Variants in ITGB5 observed in about 807,000 individuals in gnomAD.
ITGB5 encodes the protein integrin beta-5.
A neutral mutation model predicts 84.8 loss-of-function variants in ITGB5; 38 were observed. The ratio of observed to expected loss-of-function variants is 0.45; its 90% CI spans 0.35 to 0.59. ITGB5 has a LOEUF of 0.59. Among genes scored for constraint, ITGB5 ranks in the 20% least tolerant of loss-of-function variants. ITGB5 has a pLI of 0.01. For synonymous variants in ITGB5, 393 were observed against 414.4 expected, an observed-to-expected ratio of 0.95 and a Z score of 0.63; for missense variants, 905 against 1,034.5, an observed-to-expected ratio of 0.87 and a Z score of 1.72.
intron 8 of ITGB5, among the ~76,000 whole-genome samples, chr3:124,812,525 G>A (rs1192481170): frequency 1.3e-5 from 2 of 152,090 alleles, no homozygotes; most frequent in East Asian, 1.9e-4. Flanking sequence ...CATTCTGTTC[G>A]CTCCCACACT....
At chr3:124,858,865 T>C (rs752446299) in intron 3 of ITGB5, among the ~76,000 whole-genome samples, 12 of 152,156 alleles carry the variant, frequency 7.9e-5, no homozygotes, top group Non-Finnish European at 1.6e-4. Flanking sequence ...GAGGAGTTAA[T>C]GTTTAATGGG....
intron 5 of ITGB5, among the ~76,000 whole-genome samples, chr3:124,823,571 T>C (rs1469533866): frequency 6.6e-6 from 1 of 150,786 alleles, no homozygotes; most frequent in Non-Finnish European, 1.5e-5. Flanking sequence ...TTCAAGGTGC[T>C]GGTGATGTTC....
At chr3:124,804,878 G>A (rs1015070597) in intron 9 of ITGB5, among the ~76,000 whole-genome samples, 1 of 152,080 alleles carries the variant, frequency 6.6e-6, no homozygotes, top group South Asian at 2.1e-4. Flanking sequence ...TGTTGGCCAG[G>A]TTGGTCTCGA....
intron 3 of ITGB5, 24 bp from the exon 4 acceptor site, chr3:124,848,582 G>C: frequency 6.3e-7 from 1 of 1,596,524 alleles, no homozygotes. Flanking sequence ...GAGGCCACGT[G>C]TGTTAGAGGT....
intron 5 of ITGB5, among the ~76,000 whole-genome samples, chr3:124,837,896 C>G (rs2107588411): frequency 6.6e-6 from 1 of 152,330 alleles, no homozygotes; most frequent in African/African-American, 2.4e-5. Context: ...ATTGCCTGGC[C>G]AACTCCAGCC....
chr3:124,848,646 C>A, intron 3 of ITGB5, 88 bp from the exon 4 acceptor site: 1 of 1,436,502 alleles, frequency 7.0e-7, no homozygotes. Flanking sequence ...GCTAGTTTGC[C>A]TCTTACTTTT....
intron 9 of ITGB5, among the ~76,000 whole-genome samples, chr3:124,802,420 A>G (rs1488544059): frequency 2.0e-5 from 3 of 152,188 alleles, no homozygotes; most frequent in African/African-American, 7.2e-5. Context: ...GGCCAGGGTT[A>G]AGAAAACCAG....
At chr3:124,769,457 G>A (rs2063811490) in intron 11 of ITGB5, 1 of 208,344 alleles carries the variant, frequency 4.8e-6, no homozygotes, top group African/African-American at 2.3e-5. Context: ...TGATAAAACA[G>A]TATTCCTGGC....
At chr3:124,886,828 TCCGCCCTCAGGCACCGCCTGCGCTCC>T in intron 1 of ITGB5, 77 bp downstream of exon 1, 1 of 676,202 alleles carries the variant, frequency 1.5e-6, no homozygotes, top group South Asian at 7.3e-5. Context: ...GAAGGCGCCC[TCCGCCCTCAGGCACCGCCTGCGCTCC>T]CCGCCCCTCC....
Position 124,821,455 on chromosome 3 carries a change from T to C in ITGB5, c.800A>G (p.Lys267Arg). Residue 267 changes from lysine to arginine, a missense_variant, in exon 6 of 15, where the codon AAG (lysine) becomes AGG (arginine). This residue lies in a region of ITGB5 where 656 missense variants were observed against 734.7 expected (regional missense o/e 0.89). Transcript: ENST00000296181. ...AVCKEKIGWR[K>R]DALHLLVFTT... ...GAACACCAGCAAATGCAGTGCATCC[T>C]TTCGCCAGCCAATCTTCTCCTGAAG... is the stretch of plus-strand genomic sequence containing the variant. The C allele has an allele frequency of 6.2e-7, 1 of 1,614,204 alleles. No homozygotes were observed. The highest frequency in any genetic ancestry group is 8.5e-7 in the Non-Finnish European group (1 of 1,180,026).
intron 13 of ITGB5, among the ~76,000 whole-genome samples, chr3:124,765,658 C>T (rs768207616): frequency 5.9e-5 from 9 of 152,224 alleles, no homozygotes; most frequent in Non-Finnish European, 1.3e-4. Context: ...CCCTGACTCA[C>T]GCTCCCACTA....
chr3:124,853,218 C>G (rs1022232043), intron 3 of ITGB5, among the ~76,000 whole-genome samples: 3 of 152,158 alleles, frequency 2.0e-5, no homozygotes, highest in African/African-American at 7.2e-5. Context: ...ACATAAAAAT[C>G]AACTCTATTA....
At chr3:124,872,538 T>A (rs533063157) in intron 2 of ITGB5, among the ~76,000 whole-genome samples, 1 of 152,268 alleles carries the variant, frequency 6.6e-6, no homozygotes, top group South Asian at 2.1e-4. Flanking sequence ...CAGCCTCCCG[T>A]GAGCCATCTC....
At chr3:124,857,229 T>TA (rs1255713321) in intron 3 of ITGB5, 1 of 152,264 alleles carries the variant, frequency 6.6e-6, no homozygotes, top group Non-Finnish European at 1.5e-5. Flanking sequence ...ACTGAGTGCT[T>TA]ACCACATGCA....
At chr3:124,841,175 C>T (rs549388531) in intron 5 of ITGB5, among the ~76,000 whole-genome samples, 1 of 152,334 alleles carries the variant, frequency 6.6e-6, no homozygotes, top group African/African-American at 2.4e-5. Context: ...GACACAGAGA[C>T]ACAGACCAGC....
At chr3:124,870,156 T>C (rs557553012) in intron 2 of ITGB5, among the ~76,000 whole-genome samples, 25 of 152,210 alleles carry the variant, frequency 1.6e-4, no homozygotes, top group Non-Finnish European at 2.6e-4. Context: ...TTATATCAAA[T>C]ACAAATTCCT....
chr3:124,873,872 A>AAAAAG (rs201372684), intron 1 of ITGB5, among the ~76,000 whole-genome samples: 1 of 151,576 alleles, frequency 6.6e-6, no homozygotes, highest in Non-Finnish European at 1.5e-5. Context: ...AAAATAGTAC[A>AAAAAG]AAAAGAAAAG....
chr3:124,867,233 C>T lies in ITGB5; in HGVS notation c.156+6213G>A, dbSNP rs576459447. 8.6e-5 allele frequency among the ~76,000 whole-genome samples: 13 copies of T among 152,046 alleles called. No homozygotes were observed. The South Asian group carries it at 2.7e-3, about 32-fold the overall frequency. ...TCACTGTTCTTTTCACTAGTCTTCTCCCATGCCCGACCCCATTTCCATGCA... is the reference window on the plus strand; with the variant it reads ...TCACTGTTCTTTTCACTAGTCTTCTTCCATGCCCGACCCCATTTCCATGCA... On this transcript the variant is annotated intron_variant, in intron 2 of 14. Transcript: ENST00000296181.
At chr3:124,867,843 T>G (rs1350726996) in intron 2 of ITGB5, among the ~76,000 whole-genome samples, 1 of 152,226 alleles carries the variant, frequency 6.6e-6, no homozygotes, top group Non-Finnish European at 1.5e-5. Flanking sequence ...AAATAGATCA[T>G]AAACTGCTGG....
Sources: gnomAD v4.1 joint callset for allele counts (sites outside exome capture counted in the v4.1 genomes callset) on GRCh38, gnomAD v4.1.1 for gene constraint, gnomAD v4.1.1 regional missense constraint, MANE v1.5 for transcripts, NCBI Gene and HGNC (gene_info 2026-07-23, HGNC 2026-07-21) for gene names.